TNKS: variants seen among roughly 807,000 people sequenced by gnomAD.
TNKS encodes the protein tankyrase.
TNKS carries 72 observed loss-of-function variants against 135.8 expected under a neutral mutation model. That is an observed-to-expected ratio of 0.53 (90% CI 0.44 to 0.64). The LOEUF (loss-of-function observed/expected upper bound fraction) is 0.64. Among genes scored for constraint, TNKS ranks in the 30% least tolerant of loss-of-function variants. The probability of loss-of-function intolerance (pLI) is 0.00; values close to 1 mark genes in which losing one functional copy is unlikely to be tolerated. For synonymous variants in TNKS, 849 were observed against 649.3 expected (o/e 1.31, Z -4.68); for missense variants, 1,769 against 1,674.0 (o/e 1.06, Z -0.99).
chr8:9,750,585 AT>A (rs1806468518), intron 18 of TNKS, among the ~76,000 whole-genome samples: 2 of 152,114 alleles, frequency 1.3e-5, no homozygotes, highest in South Asian at 2.1e-4. Context: ...TTGCCTATCT[AT>A]CTTCCATTCA....
chr8:9,723,335 T>G (rs1475211391), intron 12 of TNKS, among the ~76,000 whole-genome samples: 1 of 152,160 alleles, frequency 6.6e-6, no homozygotes, highest in Non-Finnish European at 1.5e-5. Flanking sequence ...AAAGAATATA[T>G]TAATATCAGT....
At chr8:9,734,040 T>C (rs1188303532) in intron 15 of TNKS, among the ~76,000 whole-genome samples, 1 of 151,960 alleles carries the variant, frequency 6.6e-6, no homozygotes, top group Non-Finnish European at 1.5e-5. Flanking sequence ...TTTCTTTTGC[T>C]TTTTTTTAAC....
intron 3 of TNKS, among the ~76,000 whole-genome samples, chr8:9,673,708 G>T (rs193169805): frequency 5.8e-4 from 88 of 152,104 alleles, no homozygotes; most frequent in Admixed American, 1.0e-3. Context: ...CCTCCAAGGC[G>T]CTGGGATTAC....
chr8:9,558,064 T>C (rs1459688653), intron 1 of TNKS: 2 of 152,210 alleles, frequency 1.3e-5, no homozygotes, highest in Middle Eastern at 3.2e-3. Flanking sequence ...TCACATGTTT[T>C]TTATTGTAGC....
At chr8:9,568,815 T>TCC (rs1797649027) in intron 1 of TNKS, among the ~76,000 whole-genome samples, 1 of 151,924 alleles carries the variant, frequency 6.6e-6, no homozygotes. Flanking sequence ...TTTGATTCTG[T>TCC]ACCCACAGTT....
intron 3 of TNKS, among the ~76,000 whole-genome samples, chr8:9,647,080 G>C (rs1800945980): frequency 6.6e-6 from 1 of 152,076 alleles, no homozygotes; most frequent in African/African-American, 2.4e-5. Context: ...AAGAGCACTT[G>C]CTATCTATTA....
chr8:9,568,052 A>C (rs1051124141), intron 1 of TNKS, among the ~76,000 whole-genome samples: 1 of 152,218 alleles, frequency 6.6e-6, no homozygotes, highest in African/African-American at 2.4e-5. Context: ...AATAGACTGA[A>C]TCTCTGCAGT....
chr8:9,568,813 TG>T (rs1797648758), intron 1 of TNKS, among the ~76,000 whole-genome samples: 1 of 86,638 alleles, frequency 1.2e-5, no homozygotes. Flanking sequence ...TCTTTGATTC[TG>T]TACCCACAGT....
At chr8:9,621,246 A>G (rs1173612784) in intron 3 of TNKS, among the ~76,000 whole-genome samples, 1 of 151,890 alleles carries the variant, frequency 6.6e-6, no homozygotes, top group Admixed American at 6.5e-5. Flanking sequence ...TTCTGGAAAG[A>G]TGAAGCTGCC....
chr8:9,611,135 C>A (rs1451966059), intron 2 of TNKS, among the ~76,000 whole-genome samples: 1 of 152,048 alleles, frequency 6.6e-6, no homozygotes. Flanking sequence ...CTTGTTATGC[C>A]AGCTGCTACA....
At chr8:9,751,117 T>C (rs73533217) in intron 18 of TNKS, among the ~76,000 whole-genome samples, 4,509 of 152,282 alleles carry the variant, frequency 0.03, 219 homozygotes, top group African/African-American at 0.1. Flanking sequence ...AAGGAATTGA[T>C]GGGTGGCTGT....
chr8:9,764,516 T>C (rs1807321812), intron 22 of TNKS, among the ~76,000 whole-genome samples, 200 bp from the exon 23 acceptor site: 1 of 152,202 alleles, frequency 6.6e-6, no homozygotes, highest in Non-Finnish European at 1.5e-5. Context: ...TCAGAACTTT[T>C]ATTTAAAAGT....
chr8:9,677,007 TCAGCTAAGATGAAAGAGAA>T (rs1437953639), intron 3 of TNKS, among the ~76,000 whole-genome samples: 2 of 152,184 alleles, frequency 1.3e-5, no homozygotes, highest in Non-Finnish European at 2.9e-5. Flanking sequence ...TTTCAGATTC[TCAGCTAAGATGAAAGAGAA>T]CTGGTGCTTT....
intron 3 of TNKS, among the ~76,000 whole-genome samples, chr8:9,633,186 A>T (rs1281310076): frequency 6.6e-6 from 1 of 152,216 alleles, no homozygotes; most frequent in Non-Finnish European, 1.5e-5. Context: ...ATGTACTACT[A>T]ACCTTCTCAG....
At position 9,575,153 on chromosome 8, in the gene TNKS, C is replaced by T. The variant is rs993089102; in HGVS notation, c.674-5006C>T. On this transcript the variant is annotated intron_variant, in intron 1 of 26. Transcript: ENST00000310430. Reference sequence around the variant, plus strand: ...CCAGGCTGGAGTATAGGGGCGCGATCTCGGCTCATTGCAAGCTCCGCCTCC... The same window carrying T: ...CCAGGCTGGAGTATAGGGGCGCGATTTCGGCTCATTGCAAGCTCCGCCTCC... The T allele has an allele frequency of 8.5e-6, 7 of 825,740 alleles. No individual in the cohort carries two copies. In the African/African-American group the frequency reaches 1.1e-4, roughly 13 times the overall value. The allele number at this position is 825,740 out of a possible 1,614,324, so 51.2% of individuals were successfully genotyped here.
At chr8:9,749,521 C>G (rs1253197962) in intron 18 of TNKS, among the ~76,000 whole-genome samples, 1 of 150,966 alleles carries the variant, frequency 6.6e-6, no homozygotes, top group African/African-American at 2.4e-5. Context: ...GTCACCCAAG[C>G]CAGAGTGCAG....
chr8:9,643,937 C>G (rs11991547), intron 3 of TNKS, among the ~76,000 whole-genome samples: 2 of 152,054 alleles, frequency 1.3e-5, no homozygotes, highest in African/African-American at 4.8e-5. Context: ...TATTAATCAG[C>G]CTTAAACAGA....
chr8:9,603,035 A>G (rs1799075814), intron 2 of TNKS, among the ~76,000 whole-genome samples: 1 of 152,146 alleles, frequency 6.6e-6, no homozygotes, highest in Admixed American at 6.5e-5. Context: ...TGAATCAACT[A>G]TCAATTTTTA....
intron 11 of TNKS, chr8:9,710,451 A>G: frequency 1.7e-6 from 1 of 586,696 alleles, no homozygotes; most frequent in Non-Finnish European, 3.0e-6. Flanking sequence ...AAGCAACAAA[A>G]TATAGCTATA....
Sources: allele counts gnomAD v4.1 joint callset (sites outside exome capture counted in the v4.1 genomes callset), GRCh38; gene constraint gnomAD v4.1.1; transcripts MANE v1.5; gene names NCBI Gene and HGNC (gene_info 2026-07-23, HGNC 2026-07-21).